SENP7: variants seen among roughly 807,000 people sequenced by gnomAD.
SENP7 encodes the protein sentrin-specific protease 7.
SENP7 carries 64 observed loss-of-function variants against 141.2 expected under a neutral mutation model. The observed-to-expected ratio is 0.45, with a 90% CI of 0.37 to 0.56. The LOEUF (loss-of-function observed/expected upper bound fraction) is 0.56, where lower values mean the gene tolerates loss of function less well. Ranked by LOEUF, SENP7 falls within the 20% of genes least tolerant of loss-of-function variation. The probability of loss-of-function intolerance (pLI) is 0.00; values close to 1 mark genes in which losing one functional copy is unlikely to be tolerated. For missense variants in SENP7, 1,025 were observed against 1,212.2 expected (o/e 0.85, Z 2.29); for synonymous variants, 382 against 426.4 (o/e 0.90, Z 1.28).
At chr3:101,457,291 G>T in intron 4 of SENP7, 2 of 1,533,500 alleles carry the variant, frequency 1.3e-6, no homozygotes, top group Non-Finnish European at 1.8e-6. Flanking sequence ...ACAAGATCAG[G>T]AACTTCATCA....
chr3:101,377,444 G>A (rs893346322), intron 6 of SENP7, among the ~76,000 whole-genome samples: 2 of 152,128 alleles, frequency 1.3e-5, no homozygotes, highest in African/African-American at 2.4e-5. Context: ...AGGGTTCAGT[G>A]TACATAAGTC....
At chr3:101,505,077 A>G (rs1429471807) in intron 1 of SENP7, among the ~76,000 whole-genome samples, 1 of 152,212 alleles carries the variant, frequency 6.6e-6, no homozygotes, top group East Asian at 1.9e-4. Context: ...AGAAAAAGAA[A>G]AAAGAAAAAA....
At chr3:101,424,726 T>C (rs2061901501) in intron 4 of SENP7, among the ~76,000 whole-genome samples, 3 of 152,078 alleles carry the variant, frequency 2.0e-5, no homozygotes, top group East Asian at 1.9e-4. Context: ...ATCAGCCACA[T>C]TGCCGCTGCC....
intron 4 of SENP7, among the ~76,000 whole-genome samples, chr3:101,432,273 C>A (rs1251886542): frequency 6.6e-6 from 1 of 152,152 alleles, no homozygotes. Context: ...AACCATAATA[C>A]AATAGAACAC....
intron 4 of SENP7, among the ~76,000 whole-genome samples, chr3:101,452,067 A>G (rs1349342138): frequency 1.3e-5 from 2 of 152,162 alleles, no homozygotes; most frequent in African/African-American, 2.4e-5. Flanking sequence ...TTATACACCA[A>G]TAACAGACAA....
intron 3 of SENP7, among the ~76,000 whole-genome samples, chr3:101,476,807 A>G (rs181362552): frequency 1.0e-3 from 152 of 152,284 alleles, no homozygotes; most frequent in Non-Finnish European, 1.4e-3. Context: ...ATGGCATGAG[A>G]TGGTATCACA....
intron 1 of SENP7, among the ~76,000 whole-genome samples, chr3:101,508,344 C>A (rs2065712023): frequency 1.3e-5 from 2 of 152,112 alleles, no homozygotes; most frequent in African/African-American, 4.8e-5. Context: ...CGTCTGTAAT[C>A]CCAGCACTTT....
intron 5 of SENP7, among the ~76,000 whole-genome samples, chr3:101,406,673 C>G (rs886878387): frequency 1.3e-5 from 2 of 151,978 alleles, no homozygotes; most frequent in South Asian, 2.1e-4. Context: ...GAAAGCTTCC[C>G]TGGCCTTGCT....
intron 22 of SENP7, 34 bp from the exon 23 acceptor site, chr3:101,327,850 A>T: frequency 1.3e-6 from 2 of 1,515,544 alleles, no homozygotes; most frequent in South Asian, 2.4e-5. Context: ...TGACTAAAGT[A>T]GAAATCTATT....
At chr3:101,423,847 T>C (rs1159268838) in intron 4 of SENP7, among the ~76,000 whole-genome samples, 1 of 152,128 alleles carries the variant, frequency 6.6e-6, no homozygotes, top group East Asian at 1.9e-4. Context: ...GAAGGGTCTC[T>C]GGAATCCCAG....
intron 2 of SENP7, among the ~76,000 whole-genome samples, chr3:101,495,308 TA>T (rs2065120746): frequency 6.6e-6 from 1 of 152,218 alleles, no homozygotes; most frequent in Non-Finnish European, 1.5e-5. Flanking sequence ...GCTGGGATTG[TA>T]AATTAGTTCA....
In SENP7 at chr3:101,506,317, G is replaced by C. The variant is rs150680063; in HGVS notation, c.41-5198C>G. On this transcript the variant is annotated intron_variant, in intron 1 of 23. Coordinates refer to ENST00000394095, the MANE Select transcript of SENP7 (RefSeq NM_020654.5). Reference sequence around the variant, plus strand: ...TTACAGGCATGGGCCACAGCACCCAGCCTATTTATTTGACATAATAGTAAT... The same window carrying C: ...TTACAGGCATGGGCCACAGCACCCACCCTATTTATTTGACATAATAGTAAT... 7.2e-4 allele frequency among the ~76,000 whole-genome samples: 110 copies of C among 152,290 alleles called. 1 individual carries two copies. Among genetic ancestry groups the C allele is most frequent in the Non-Finnish European group, 7.6e-4 (52 of 68,028 alleles).
At chr3:101,396,443 CTTT>C (rs977552633) in intron 6 of SENP7, among the ~76,000 whole-genome samples, 11 of 151,820 alleles carry the variant, frequency 7.2e-5, no homozygotes, top group South Asian at 4.2e-4. Flanking sequence ...TTCTTTTAAT[CTTT>C]TTCTTTTTTT....
At chr3:101,438,895 A>T (rs992865992) in intron 4 of SENP7, among the ~76,000 whole-genome samples, 2 of 150,620 alleles carry the variant, frequency 1.3e-5, no homozygotes, top group African/African-American at 4.9e-5. Flanking sequence ...GAGGGCAAGG[A>T]GCAGCCGCCT....
intron 3 of SENP7, among the ~76,000 whole-genome samples, chr3:101,489,477 A>G (rs1426244750): frequency 8.3e-6 from 1 of 121,066 alleles, no homozygotes; most frequent in African/African-American, 2.9e-5. Context: ...TCTACCATGC[A>G]AACAGAAAAT....
In SENP7 at chr3:101,324,247, T is replaced by G. The variant is rs925329435; in HGVS notation, c.*1696A>C. 9 of 152,110 alleles carry G rather than the reference T, an allele frequency of 5.9e-5. No homozygotes were observed. Among genetic ancestry groups the G allele is most frequent in the Non-Finnish European group, 1.3e-4 (9 of 68,004 alleles). The allele number at this position is 152,110 out of a possible 1,614,324, so 9.4% of individuals were successfully genotyped here. Reference sequence around the variant, plus strand: ...TTTATTTCTAACAGTAGCTCATGTTTCTTAAGGAAAAAAATTACACCTCAA... The same window carrying G: ...TTTATTTCTAACAGTAGCTCATGTTGCTTAAGGAAAAAAATTACACCTCAA... On this transcript the variant is annotated 3_prime_UTR_variant, in exon 24 of 24. Coordinates refer to ENST00000394095, the MANE Select transcript of SENP7 (RefSeq NM_020654.5).
At chr3:101,345,534 C>A (rs2059434239) in intron 13 of SENP7, among the ~76,000 whole-genome samples, 1 of 152,120 alleles carries the variant, frequency 6.6e-6, no homozygotes, top group South Asian at 2.1e-4. Flanking sequence ...ATTTGATTCT[C>A]AATTTGGTCG....
chr3:101,477,306 A>G (rs1186383481), intron 3 of SENP7, among the ~76,000 whole-genome samples: 1 of 152,200 alleles, frequency 6.6e-6, no homozygotes, highest in Non-Finnish European at 1.5e-5. Flanking sequence ...GAAACAATAC[A>G]AATACATGGA....
In SENP7 at chr3:101,331,878, T is replaced by C. The variant is rs1205983558; in HGVS notation, c.2698+107A>G. The stretch of plus-strand genomic sequence containing the variant: ...TTTTTATTCATCCTGTTAAAGTAGG[T>C]TTAATGATAGTAAATAACTATACTA... On this transcript the variant is annotated intron_variant, in intron 19 of 23. Coordinates refer to ENST00000394095, the MANE Select transcript of SENP7 (RefSeq NM_020654.5). 3 of 1,106,580 alleles carry C rather than the reference T, an allele frequency of 2.7e-6. No homozygotes were observed. In the Admixed American group the frequency reaches 7.1e-5, roughly 26 times the overall value. The allele number at this position is 1,106,580 out of a possible 1,614,324, so 68.5% of individuals were successfully genotyped here.
Sources: allele counts gnomAD v4.1 joint callset (sites outside exome capture counted in the v4.1 genomes callset), GRCh38; gene constraint gnomAD v4.1.1; transcripts MANE v1.5; gene names NCBI Gene and HGNC (gene_info 2026-07-23, HGNC 2026-07-21).